The following DMGDH variants were observed in gnomAD, a reference collection of about 807,000 sequenced individuals.
DMGDH encodes the protein dimethylglycine dehydrogenase, mitochondrial.
Under a neutral mutation model 95.2 loss-of-function variants are expected in DMGDH, and 76 were observed. That is an observed-to-expected ratio of 0.80 (90% confidence interval 0.66 to 0.97). The LOEUF (loss-of-function observed/expected upper bound fraction) is 0.97, where lower values mean the gene tolerates loss of function less well. Ranked by LOEUF, DMGDH falls within the 50% of genes least tolerant of loss-of-function variation. DMGDH has a pLI of 0.00. For synonymous variants in DMGDH, 345 were observed against 377.6 expected, an observed-to-expected ratio of 0.91 and a Z score of 1.00; for missense variants, 987 against 1,055.0, an observed-to-expected ratio of 0.94 and a Z score of 0.89.
chr5:79,020,328 A>G (rs1387001460), intron 14 of DMGDH, among the ~76,000 whole-genome samples: 3 of 152,222 alleles, frequency 2.0e-5, no homozygotes, highest in African/African-American at 4.8e-5. Flanking sequence ...GCTAAGTATC[A>G]CTGAAAATTT....
At chr5:79,061,308 G>A (rs1580232117) in intron 2 of DMGDH, among the ~76,000 whole-genome samples, 1 of 151,914 alleles carries the variant, frequency 6.6e-6, no homozygotes, top group African/African-American at 2.4e-5. Context: ...GCTGCTCAGA[G>A]GGAGGCATCT....
chr5:79,009,355 C>A (rs1297544454), intron 14 of DMGDH, among the ~76,000 whole-genome samples: 1 of 91,284 alleles, frequency 1.1e-5, no homozygotes, highest in African/African-American at 5.6e-5. Flanking sequence ...CTTTTCTTTT[C>A]TTTTCTTTTC....
In DMGDH at chr5:79,026,531, A is replaced by G. The variant is rs1245852239; in HGVS notation, c.2083T>C (p.Tyr695His). ...YHRREDSVAL[Y>H]DAIMNAGQEE... ...TGGCCTGCATTCATGATAGCGTCATACAGCGCCACAGAATCTTCTCTTCTG... is the reference window on the plus strand; with the variant it reads ...TGGCCTGCATTCATGATAGCGTCATGCAGCGCCACAGAATCTTCTCTTCTG... Residue 695 changes from tyrosine (Y) to histidine (H), a missense_variant, in exon 13 of 16, where the codon TAT (tyrosine) becomes CAT (histidine). Physicochemically the swap from Tyr to His is moderately conservative, Grantham distance 83. Coordinates refer to ENST00000255189, the MANE Select transcript of DMGDH (RefSeq NM_013391.3). 2.5e-6 allele frequency: 4 copies of G among 1,614,156 alleles called. No individual in the cohort carries two copies. The Admixed American group carries it at 6.7e-5, about 27-fold the overall frequency.
At chr5:79,006,850 C>CCACCCCG (rs1554033741) in intron 14 of DMGDH, among the ~76,000 whole-genome samples, 1 of 147,672 alleles carries the variant, frequency 6.8e-6, no homozygotes, top group East Asian at 2.0e-4. Flanking sequence ...CTGAGACCCC[C>CCACCCCG]CCAGTCCATT....
Position 78,997,890 on chromosome 5 carries a change from TA to T in DMGDH, c.*191del. 1 of 626,664 alleles carries T rather than the reference TA, an allele frequency of 1.6e-6. No individual in the cohort carries two copies. The highest frequency in any genetic ancestry group is 2.8e-6 in the Non-Finnish European group (1 of 362,080). 38.8% of individuals were successfully genotyped at this position (626,664 alleles called of 1,614,324 possible). A position where few individuals can be genotyped will look rare whatever the true frequency, so the allele number is the denominator to read the frequency against. On this transcript the variant is annotated 3_prime_UTR_variant, in exon 16 of 16. Coordinates refer to ENST00000255189, the MANE Select transcript of DMGDH (RefSeq NM_013391.3). ...AATTTCTTCATTTAAAAGAACAATG[TA>T]AATCATTTATCTATTATTCTGTCTT...
At chr5:79,057,970 A>G (rs1755080902) in intron 2 of DMGDH, among the ~76,000 whole-genome samples, 1 of 152,170 alleles carries the variant, frequency 6.6e-6, no homozygotes, top group Non-Finnish European at 1.5e-5. Context: ...AGAAATTTTA[A>G]GTTAATTCTC....
chr5:79,069,349 G>A (rs921720168), intron 1 of DMGDH, among the ~76,000 whole-genome samples, 171 bp downstream of exon 1: 1 of 152,206 alleles, frequency 6.6e-6, no homozygotes, highest in African/African-American at 2.4e-5. Flanking sequence ...ACTTTACACG[G>A]GGAACCTTTG....
chr5:79,063,746 T>C lies in DMGDH; in HGVS notation c.143A>G (p.Asp48Gly). The C allele has an allele frequency of 6.2e-7, 1 of 1,614,204 alleles. No individual in the cohort carries two copies. The change falls in exon 2 of 16, where the codon GAC becomes GGC. Residue 48 changes from aspartate to glycine, a missense_variant. Coordinates refer to ENST00000255189, the MANE Select transcript of DMGDH (RefSeq NM_013391.3). The stretch of plus-strand genomic sequence containing the variant: ...TCCAATTATCACTGTTTCTGCTCTG[T>C]CTTTCCATTGTGTTTCTGCAGATAA... ...PPLSAETQWK[D>G]RAETVIIGGG...
At chr5:79,063,841 T>A in intron 1 of DMGDH, 54 bp from the exon 2 acceptor site, 1 of 1,587,894 alleles carries the variant, frequency 6.3e-7, no homozygotes, top group Non-Finnish European at 8.6e-7. Flanking sequence ...TAGCTATAGT[T>A]CTGGCCTAAA....
chr5:79,066,061 C>A (rs1580237017), intron 1 of DMGDH, among the ~76,000 whole-genome samples: 1 of 152,128 alleles, frequency 6.6e-6, no homozygotes, highest in Non-Finnish European at 1.5e-5. Flanking sequence ...TCTTACATAA[C>A]AACAGTACAG....
At chr5:79,051,595 T>A (rs1315114463) in intron 4 of DMGDH, 104 bp from the exon 5 acceptor site, 3 of 1,114,682 alleles carry the variant, frequency 2.7e-6, no homozygotes, top group Non-Finnish European at 2.6e-6. Flanking sequence ...ACTTCAAAAG[T>A]GTTTCTTGAT....
At chr5:79,030,655 AAAAAAAAAAAAG>A in intron 10 of DMGDH, 166 bp downstream of exon 10, 1 of 667,128 alleles carries the variant, frequency 1.5e-6, no homozygotes, top group Non-Finnish European at 2.4e-6. Context: ...CTCAAAAAAA[AAAAAAAAAAAAG>A]AAAAGAAAAA....
At chr5:79,000,119 T>A (rs949165753) in intron 15 of DMGDH, 2 of 463,218 alleles carry the variant, frequency 4.3e-6, no homozygotes. Context: ...ACATTTTTTG[T>A]TTTTTTTCCA....
chr5:79,038,950 T>G (rs1041919961), intron 7 of DMGDH, among the ~76,000 whole-genome samples: 1 of 151,554 alleles, frequency 6.6e-6, no homozygotes, highest in Non-Finnish European at 1.5e-5. Flanking sequence ...AAAAGACACA[T>G]GAAAAAATGC....
intron 14 of DMGDH, among the ~76,000 whole-genome samples, chr5:79,005,625 C>T (rs1042366024): frequency 7.2e-5 from 11 of 152,156 alleles, no homozygotes; most frequent in African/African-American, 2.4e-4. Flanking sequence ...AGGGTAATAA[C>T]TTGTGATGAC....
chr5:79,005,109 A>C (rs1238622137), intron 15 of DMGDH, among the ~76,000 whole-genome samples, 164 bp downstream of exon 15: 2 of 152,194 alleles, frequency 1.3e-5, no homozygotes, highest in Non-Finnish European at 2.9e-5. Context: ...TTTTCCTTTC[A>C]GTCAATTGCG....
At chr5:79,062,008 G>A (rs1755223114) in intron 2 of DMGDH, among the ~76,000 whole-genome samples, 1 of 152,172 alleles carries the variant, frequency 6.6e-6, no homozygotes, top group Non-Finnish European at 1.5e-5. Context: ...TAAAGCGTAT[G>A]CCCTCAGTAA....
chr5:79,051,168 T>C lies in DMGDH; in HGVS notation c.745+119A>G, dbSNP rs1289912243. On this transcript the variant is annotated intron_variant, in intron 5 of 15. Coordinates refer to ENST00000255189, the MANE Select transcript of DMGDH (RefSeq NM_013391.3). ...TTGTCACTTAGAAACAGACAAAATG[T>C]TTAACTTGGGAGCATCACAGTGCTT... The C allele has an allele frequency of 7.0e-6, 8 of 1,135,908 alleles. No individual in the cohort carries two copies. The Admixed American group carries it at 1.0e-4, about 15-fold the overall frequency. 70.4% of individuals were successfully genotyped at this position (1,135,908 alleles called of 1,614,324 possible).
chr5:79,065,802 T>C (rs1314356961), intron 1 of DMGDH, among the ~76,000 whole-genome samples: 2 of 152,180 alleles, frequency 1.3e-5, no homozygotes, highest in Non-Finnish European at 2.9e-5. Context: ...GTGTTGCATA[T>C]GACATTATGA....
Sources: allele counts gnomAD v4.1 joint callset (sites outside exome capture counted in the v4.1 genomes callset), GRCh38; gene constraint gnomAD v4.1.1; transcripts MANE v1.5; gene names NCBI Gene and HGNC (gene_info 2026-07-23, HGNC 2026-07-21).